Variants in ADAMTSL3 observed in about 807,000 individuals in gnomAD.
ADAMTSL3 encodes the protein ADAMTS like 3.
A neutral mutation model predicts 201.7 loss-of-function variants in ADAMTSL3; 128 were observed. That is an observed-to-expected ratio of 0.63 (90% CI 0.55 to 0.73). The LOEUF (loss-of-function observed/expected upper bound fraction) is 0.73. Among genes scored for constraint, ADAMTSL3 ranks in the 30% least tolerant of loss-of-function variants. The pLI, the probability that ADAMTSL3 is intolerant of heterozygous loss-of-function variation, is 0.00. For missense variants in ADAMTSL3, 1,990 were observed against 2,119.6 expected (o/e 0.94, Z 1.20); for synonymous variants, 738 against 748.4 (o/e 0.99, Z 0.23).
intron 25 of ADAMTSL3, among the ~76,000 whole-genome samples, chr15:84,017,159 C>T (rs1380135076): frequency 6.6e-6 from 1 of 152,078 alleles, no homozygotes; most frequent in Admixed American, 6.5e-5. Context: ...GCTCTGCCTC[C>T]CAGGCTGGAG....
At chr15:83,976,820 T>G (rs2067296571) in intron 20 of ADAMTSL3, among the ~76,000 whole-genome samples, 1 of 152,162 alleles carries the variant, frequency 6.6e-6, no homozygotes, top group Admixed American at 6.5e-5. Flanking sequence ...TGAGGCCTGA[T>G]TCCTAACAGG....
intron 14 of ADAMTSL3, 72 bp from the exon 15 acceptor site, chr15:83,899,575 A>G (rs2065683554): frequency 1.4e-6 from 2 of 1,445,130 alleles, no homozygotes; most frequent in Non-Finnish European, 1.9e-6. Flanking sequence ...TCTTCAGCCA[A>G]TATGATCACC....
chr15:83,921,804 C>G (rs535357482), intron 16 of ADAMTSL3, among the ~76,000 whole-genome samples: 1 of 150,558 alleles, frequency 6.6e-6, no homozygotes, highest in African/African-American at 2.4e-5. Flanking sequence ...CTCACCCCAG[C>G]CCCCCGAGTA....
Position 83,654,627 on chromosome 15 carries a change from G to A in ADAMTSL3, c.-34+351G>A, listed in dbSNP as rs900678992. Among the ~76,000 whole-genome samples the A allele has an allele frequency of 3.9e-5, 6 of 152,170 alleles. No homozygotes were observed. The highest frequency in any genetic ancestry group is 7.3e-5 in the Non-Finnish European group (5 of 68,028). ...CCTCGCGGGTCCGAAGGTCCGGCCGGTTGACCACTGGGTAGCGAGCGCCCA... is the reference window on the plus strand; with the variant it reads ...CCTCGCGGGTCCGAAGGTCCGGCCGATTGACCACTGGGTAGCGAGCGCCCA... On this transcript the variant is annotated intron_variant, in intron 1 of 29. Coordinates refer to ENST00000286744, the MANE Select transcript of ADAMTSL3 (RefSeq NM_207517.3). This position sits in a 1 kb window ranked among gnomAD's most constrained non-coding sequence, Gnocchi z 5.3.
At chr15:83,677,031 A>G (rs1596010398) in intron 2 of ADAMTSL3, among the ~76,000 whole-genome samples, 1 of 152,228 alleles carries the variant, frequency 6.6e-6, no homozygotes, top group Non-Finnish European at 1.5e-5. Context: ...TCTTTGACTC[A>G]TGGATTATTT....
At chr15:83,704,597 A>T (rs905472421) in intron 3 of ADAMTSL3, 89 bp downstream of exon 3, 1 of 1,535,464 alleles carries the variant, frequency 6.5e-7, no homozygotes. Context: ...AAGTAATTAT[A>T]TTTTCCTCTT....
chr15:83,692,685 CAAAAA>C (rs766382952), intron 2 of ADAMTSL3, among the ~76,000 whole-genome samples: 16 of 43,312 alleles, frequency 3.7e-4, no homozygotes, highest in African/African-American at 1.1e-3. Context: ...GACTCCATCT[CAAAAA>C]AAAAAAAAAA....
At chr15:83,666,608 T>G (rs2061251093) in intron 2 of ADAMTSL3, among the ~76,000 whole-genome samples, 1 of 151,954 alleles carries the variant, frequency 6.6e-6, no homozygotes, top group Non-Finnish European at 1.5e-5. Flanking sequence ...GAGGCTGAGG[T>G]GGAAGGGTTG....
intron 3 of ADAMTSL3, among the ~76,000 whole-genome samples, chr15:83,746,212 T>C (rs934959808): frequency 2.0e-4 from 30 of 151,780 alleles, no homozygotes; most frequent in African/African-American, 6.3e-4. Flanking sequence ...TAATCAAGAA[T>C]GTGATGTTTG....
At chr15:83,656,074 G>A (rs570194546) in intron 2 of ADAMTSL3, among the ~76,000 whole-genome samples, 1 of 152,254 alleles carries the variant, frequency 6.6e-6, no homozygotes, top group African/African-American at 2.4e-5. Flanking sequence ...ACCATACACC[G>A]GTGATGACCT....
At chr15:83,772,583 C>T (rs1286698168) in intron 3 of ADAMTSL3, among the ~76,000 whole-genome samples, 1 of 152,128 alleles carries the variant, frequency 6.6e-6, no homozygotes, top group African/African-American at 2.4e-5. Flanking sequence ...GTTCATATGA[C>T]TTTGTTTTCT....
intron 4 of ADAMTSL3, among the ~76,000 whole-genome samples, chr15:83,784,628 C>T (rs1347773127): frequency 6.6e-6 from 1 of 152,066 alleles, no homozygotes. Flanking sequence ...AAATTTTTCC[C>T]TGAAATTTTA....
Position 83,988,689 on chromosome 15 carries a change from A to G in ADAMTSL3, c.3717-2A>G. ...TGTGTCGTCTTTCTAACTGTTCTAC[A>G]GAATAATTTTGGATGGAACTGGGAA... On this transcript the variant is annotated splice_acceptor_variant, in intron 21 of 29. Coordinates refer to ENST00000286744, the MANE Select transcript of ADAMTSL3 (RefSeq NM_207517.3). LOFTEE classifies it high-confidence loss of function. 6.3e-7 allele frequency: 1 copy of G among 1,595,536 alleles called. No individual in the cohort carries two copies. The highest frequency in any genetic ancestry group is 8.6e-7 in the Non-Finnish European group (1 of 1,169,248).
intron 8 of ADAMTSL3, 43 bp downstream of exon 8, chr15:83,858,883 TTTAG>T (rs1215244494): frequency 6.6e-7 from 1 of 1,510,568 alleles, no homozygotes; most frequent in South Asian, 1.2e-5. Context: ...ATCCTGAAAG[TTTAG>T]TTAGCCAAAA....
rs549919364 is a variant in ADAMTSL3, at chr15:83,683,627, C to T, written c.70-20762C>T. Among the ~76,000 whole-genome samples, 114 of 152,238 alleles carry T rather than the reference C, an allele frequency of 7.5e-4. 3 individuals are homozygous for T. Among genetic ancestry groups the T allele is most frequent in the Admixed American group, 7.4e-3 (113 of 15,296 alleles). On this transcript the variant is annotated intron_variant, in intron 2 of 29. Coordinates refer to ENST00000286744, the MANE Select transcript of ADAMTSL3 (RefSeq NM_207517.3). ...ATGGTATCTGTCTGGAAGAAGTCCA[C>T]GTCAAATTGAGGAGGTAAGTAGGCA...
At chr15:84,023,996 C>CT (rs1162846348) in intron 26 of ADAMTSL3, among the ~76,000 whole-genome samples, 2 of 152,226 alleles carry the variant, frequency 1.3e-5, no homozygotes, top group Non-Finnish European at 2.9e-5. Flanking sequence ...TGGCTCACGC[C>CT]TGTAATCTCA....
rs543169786 is a variant in ADAMTSL3, at chr15:83,698,628, C to T, written c.70-5761C>T. Among the ~76,000 whole-genome samples, 4 of 116,600 alleles carry T rather than the reference C, an allele frequency of 3.4e-5. No homozygotes were observed. The South Asian group carries it at 1.4e-3, about 42-fold the overall frequency. The allele number at this position is 116,600 out of a possible 152,430, so 76.5% of individuals were successfully genotyped here. ...ACCCCATCCTGTGAGGGCCACATGC[C>T]ACTGAGTCTTCCTGACATTTAGGAA... On this transcript the variant is annotated intron_variant, in intron 2 of 29. Coordinates refer to ENST00000286744, the MANE Select transcript of ADAMTSL3 (RefSeq NM_207517.3).
chr15:83,732,885 G>A (rs1012425099), intron 3 of ADAMTSL3, among the ~76,000 whole-genome samples: 1 of 152,046 alleles, frequency 6.6e-6, no homozygotes, highest in Admixed American at 6.6e-5. Context: ...TGTGATTCCT[G>A]TCAGACTACA....
chr15:83,787,346 T>G (rs1161708942), intron 4 of ADAMTSL3, among the ~76,000 whole-genome samples: 1 of 152,210 alleles, frequency 6.6e-6, no homozygotes, highest in Non-Finnish European at 1.5e-5. Flanking sequence ...TGGTATAAAT[T>G]TAATACATTT....
Sources: gnomAD v4.1 joint callset for allele counts (sites outside exome capture counted in the v4.1 genomes callset) on GRCh38, gnomAD v4.1.1 for gene constraint, Gnocchi (gnomAD v3.1) non-coding constraint, MANE v1.5 for transcripts, NCBI Gene and HGNC (gene_info 2026-07-23, HGNC 2026-07-21) for gene names.